SERGEF: variants seen among roughly 807,000 people sequenced by gnomAD.
SERGEF encodes secretion regulating guanine nucleotide exchange factor, also known as secretion-regulating guanine nucleotide exchange factor.
Under a neutral mutation model 50.0 loss-of-function variants are expected in SERGEF, and 51 were observed. That is an observed-to-expected ratio of 1.02 (90% confidence interval 0.81 to 1.29). The LOEUF (loss-of-function observed/expected upper bound fraction) is 1.29, where lower values mean the gene tolerates loss of function less well. SERGEF is among the 50% of genes most tolerant of loss of function. SERGEF has a pLI of 0.00. For missense variants in SERGEF, 521 were observed against 557.0 expected (o/e 0.94, Z 0.65); for synonymous variants, 205 against 212.4 (o/e 0.97, Z 0.30).
intron 10 of SERGEF, among the ~76,000 whole-genome samples, chr11:17,852,368 C>T (rs1434285372): frequency 2.6e-5 from 4 of 152,160 alleles, no homozygotes; most frequent in Non-Finnish European, 5.9e-5. Flanking sequence ...CAACATTGCT[C>T]CCTAATTTAC....
intron 9 of SERGEF, among the ~76,000 whole-genome samples, chr11:17,944,496 T>G (rs1852618880): frequency 6.6e-6 from 1 of 152,224 alleles, no homozygotes; most frequent in African/African-American, 2.4e-5. Context: ...CTTTAGAATC[T>G]TTCAACCTGG....
intron 5 of SERGEF, among the ~76,000 whole-genome samples, chr11:17,998,677 A>G (rs1310623310): frequency 6.6e-6 from 1 of 151,442 alleles, no homozygotes; most frequent in Admixed American, 6.6e-5. Flanking sequence ...GAATGCAATA[A>G]AAGTTAAAGG....
chr11:17,832,820 G>A (rs1163117254), intron 10 of SERGEF, among the ~76,000 whole-genome samples: 4 of 152,188 alleles, frequency 2.6e-5, no homozygotes, highest in African/African-American at 9.7e-5. Context: ...CTAGAGATTT[G>A]TGAAACTTTG....
chr11:17,932,591 G>A (rs896030001), intron 9 of SERGEF, among the ~76,000 whole-genome samples: 13 of 152,162 alleles, frequency 8.5e-5, no homozygotes, highest in Non-Finnish European at 1.5e-4. Flanking sequence ...TCAGCCCTAA[G>A]AGGAGAAAGG....
intron 10 of SERGEF, among the ~76,000 whole-genome samples, chr11:17,823,723 A>G (rs1850126722): frequency 6.6e-6 from 1 of 152,194 alleles, no homozygotes; most frequent in Admixed American, 6.5e-5. Flanking sequence ...GGTACTGCTC[A>G]GGTGCTGAGA....
At position 17,884,386 on chromosome 11, in the gene SERGEF, G is replaced by T. The variant is rs886854834; in HGVS notation, c.1012-6142C>A. Reference sequence around the variant, plus strand: ...CCCAGCTGGCTGGGCAGCCTGCGCCGCCTGGGTTAACAGGGCGAGGGAATG... The same window carrying T: ...CCCAGCTGGCTGGGCAGCCTGCGCCTCCTGGGTTAACAGGGCGAGGGAATG... On this transcript the variant is annotated intron_variant, in intron 9 of 10. Coordinates refer to ENST00000265965, the MANE Select transcript of SERGEF (RefSeq NM_012139.4). The surrounding 1 kb of genome is among the most constrained non-coding windows in gnomAD (Gnocchi z 4.6). Among the ~76,000 whole-genome samples, 2 of 152,096 alleles carry T rather than the reference G, an allele frequency of 1.3e-5. No individual in the cohort carries two copies. Among genetic ancestry groups the T allele is most frequent in the Non-Finnish European group, 2.9e-5 (2 of 68,026 alleles).
chr11:17,881,273 A>G (rs577848293), intron 9 of SERGEF, among the ~76,000 whole-genome samples: 2 of 152,332 alleles, frequency 1.3e-5, no homozygotes, highest in South Asian at 4.1e-4. Flanking sequence ...GTGACTGTAG[A>G]GCTGACCAGC....
At chr11:17,980,478 T>C (rs1012661957) in intron 8 of SERGEF, among the ~76,000 whole-genome samples, 3 of 152,254 alleles carry the variant, frequency 2.0e-5, no homozygotes, top group African/African-American at 4.8e-5. Context: ...AAATAGTATT[T>C]ATAGGAGCTA....
intron 9 of SERGEF, among the ~76,000 whole-genome samples, chr11:17,932,240 C>A (rs960290934): frequency 1.3e-5 from 2 of 152,204 alleles, no homozygotes; most frequent in African/African-American, 4.8e-5. Flanking sequence ...AAAACCTCTG[C>A]GGCCTAAGGC....
intron 9 of SERGEF, among the ~76,000 whole-genome samples, chr11:17,947,672 T>A (rs1025048962): frequency 6.6e-6 from 1 of 152,182 alleles, no homozygotes; most frequent in Non-Finnish European, 1.5e-5. Context: ...AAAACCACCA[T>A]CCAGTCACCT....
chr11:17,881,426 T>C (rs1020626606), intron 9 of SERGEF, among the ~76,000 whole-genome samples: 5 of 152,216 alleles, frequency 3.3e-5, no homozygotes, highest in African/African-American at 1.2e-4. Flanking sequence ...CTTCTTGCTG[T>C]CTGTGTGCTG....
intron 9 of SERGEF, among the ~76,000 whole-genome samples, chr11:17,901,972 G>T (rs546163374): frequency 9.9e-5 from 15 of 152,276 alleles, no homozygotes; most frequent in African/African-American, 3.4e-4. Flanking sequence ...AATAACAAGA[G>T]AATTAAATAA....
At chr11:17,819,845 G>C (rs1488228811) in intron 10 of SERGEF, among the ~76,000 whole-genome samples, 2 of 152,080 alleles carry the variant, frequency 1.3e-5, no homozygotes, top group African/African-American at 4.8e-5. Context: ...CTTTTTTGTT[G>C]TTGTTGTTGT....
At chr11:17,851,945 G>C (rs1413851961) in intron 10 of SERGEF, among the ~76,000 whole-genome samples, 1 of 152,178 alleles carries the variant, frequency 6.6e-6, no homozygotes, top group Admixed American at 6.5e-5. Flanking sequence ...ACTAAAAATA[G>C]ACCTGTGATT....
chr11:18,011,785 C>A lies in SERGEF; in HGVS notation c.60+1166G>T, dbSNP rs145226457. Among the ~76,000 whole-genome samples the A allele has an allele frequency of 4.8e-3, 735 of 152,270 alleles. 17 individuals are homozygous for A. Among genetic ancestry groups the A allele is most frequent in the East Asian group, 3.5e-3 (18 of 5,188 alleles). On this transcript the variant is annotated intron_variant, in intron 1 of 10. Coordinates refer to ENST00000265965, the MANE Select transcript of SERGEF (RefSeq NM_012139.4). ...TGCCTGGAAAAAGCCAGAGACAGCA[C>A]ACATTCAATCCCCAACTCCACCCCC...
chr11:17,872,638 G>A (rs1434910661), intron 10 of SERGEF, among the ~76,000 whole-genome samples: 1 of 152,122 alleles, frequency 6.6e-6, no homozygotes. Context: ...TCACTTCTAG[G>A]AACTTATAAC....
chr11:17,984,520 C>T (rs187970547), intron 8 of SERGEF, among the ~76,000 whole-genome samples: 2 of 152,308 alleles, frequency 1.3e-5, no homozygotes, highest in Admixed American at 1.3e-4. Flanking sequence ...TCCCATCAGG[C>T]CCCACCTCCA....
chr11:17,971,550 A>G (rs1853249886), intron 8 of SERGEF, among the ~76,000 whole-genome samples: 1 of 152,230 alleles, frequency 6.6e-6, no homozygotes, highest in Non-Finnish European at 1.5e-5. Context: ...GGTTTACTGA[A>G]TATTTTAAGC....
At chr11:17,844,417 G>C (rs1019184514) in intron 10 of SERGEF, among the ~76,000 whole-genome samples, 1 of 152,014 alleles carries the variant, frequency 6.6e-6, no homozygotes, top group Non-Finnish European at 1.5e-5. Context: ...AACAGATATA[G>C]GTTTTCATAA....
Sources: allele counts gnomAD v4.1 joint callset (sites outside exome capture counted in the v4.1 genomes callset), GRCh38; gene constraint gnomAD v4.1.1; non-coding constraint Gnocchi (gnomAD v3.1); transcripts MANE v1.5; gene names NCBI Gene and HGNC (gene_info 2026-07-23, HGNC 2026-07-21).